The following VWA3B variants were observed in gnomAD, a reference collection of about 807,000 sequenced individuals.
VWA3B encodes von Willebrand factor A domain containing 3B.
A neutral mutation model predicts 158.3 loss-of-function variants in VWA3B; 138 were observed. The observed-to-expected ratio is 0.87, with a 90% CI of 0.76 to 1.00. The LOEUF is 1.00. Ranked by LOEUF, VWA3B falls within the 50% of genes least tolerant of loss-of-function variation. The pLI is 0.00. For synonymous variants in VWA3B, 596 were observed against 587.3 expected (o/e 1.01, Z -0.21); for missense variants, 1,555 against 1,565.1 (o/e 0.99, Z 0.11).
At chr2:98,260,427 A>G (rs1687410510) in intron 21 of VWA3B, among the ~76,000 whole-genome samples, 1 of 151,864 alleles carries the variant, frequency 6.6e-6, no homozygotes, top group Admixed American at 6.6e-5. Context: ...AAATAATGGT[A>G]CAACAATAAA....
chr2:98,314,315 C>CA (rs148671780), downstream of VWA3B, among the ~76,000 whole-genome samples: 5,937 of 152,278 alleles, frequency 0.039, 166 homozygotes, highest in Middle Eastern at 0.075. Flanking sequence ...CTAATAAGTG[C>CA]ATGGCTGTGA....
intron 7 of VWA3B, among the ~76,000 whole-genome samples, chr2:98,142,024 C>T (rs1676809145): frequency 6.6e-6 from 1 of 152,164 alleles, no homozygotes; most frequent in Non-Finnish European, 1.5e-5. Context: ...TTATTCCAGT[C>T]TCCTCTCCTC....
chr2:98,208,091 G>A (rs749395969), intron 12 of VWA3B, among the ~76,000 whole-genome samples: 1 of 151,892 alleles, frequency 6.6e-6, no homozygotes, highest in Non-Finnish European at 1.5e-5. Flanking sequence ...TTGGTGGATA[G>A]AGAATTTTAT....
chr2:98,264,311 T>C (rs553678911), intron 21 of VWA3B, among the ~76,000 whole-genome samples: 1 of 152,096 alleles, frequency 6.6e-6, no homozygotes, highest in Non-Finnish European at 1.5e-5. Context: ...AAAAGTAAAG[T>C]TAAATTGTTA....
chr2:98,188,168 G>C, intron 10 of VWA3B, 39 bp downstream of exon 10: 1 of 1,588,084 alleles, frequency 6.3e-7, no homozygotes, highest in Non-Finnish European at 8.6e-7. Flanking sequence ...TGGTCTCCTC[G>C]CTCTGGACAT....
chr2:98,252,491 T>A (rs1313523901), intron 20 of VWA3B, among the ~76,000 whole-genome samples: 1 of 152,062 alleles, frequency 6.6e-6, no homozygotes, highest in Non-Finnish European at 1.5e-5. Flanking sequence ...GGTCAGATGG[T>A]TCGCGGGGGT....
intron 8 of VWA3B, among the ~76,000 whole-genome samples, chr2:98,163,816 G>T (rs567910446): frequency 1.3e-5 from 2 of 152,142 alleles, no homozygotes; most frequent in African/African-American, 2.4e-5. Context: ...CGGTGGGAAC[G>T]AGGATGTGGA....
intron 8 of VWA3B, among the ~76,000 whole-genome samples, chr2:98,179,878 C>T (rs1680385718): frequency 9.5e-6 from 1 of 105,384 alleles, no homozygotes; most frequent in African/African-American, 3.9e-5. Flanking sequence ...TCTCCTTCCT[C>T]CCTCCCTCTC....
At chr2:98,311,690 A>C in intron 26 of VWA3B, 129 bp from the exon 27 acceptor site, 2 of 1,124,652 alleles carry the variant, frequency 1.8e-6, no homozygotes, top group Non-Finnish European at 2.5e-6. Flanking sequence ...ACAGCGCTCC[A>C]GAGACTCCTT....
chr2:98,116,408 C>T lies in VWA3B; in HGVS notation c.291+662C>T, dbSNP rs1194127987. On this transcript the variant is annotated intron_variant, in intron 3 of 27. Coordinates refer to ENST00000477737, the MANE Select transcript of VWA3B (RefSeq NM_144992.5). ...AGACCCTATCCTCGAATATGTCTTC[C>T]AGTTGTTTACTCTCCTTCTCTTTCA... 2.6e-5 allele frequency among the ~76,000 whole-genome samples: 4 copies of T among 151,824 alleles called. No homozygotes were observed. The East Asian group carries it at 5.8e-4, about 22-fold the overall frequency.
At chr2:98,267,773 T>C (rs1332073495) in intron 21 of VWA3B, among the ~76,000 whole-genome samples, 5 of 151,388 alleles carry the variant, frequency 3.3e-5, no homozygotes, top group Non-Finnish European at 7.4e-5. Flanking sequence ...AAAGGATCAA[T>C]AAAATTGATA....
chr2:98,309,206 A>T (rs1022488521), intron 26 of VWA3B, among the ~76,000 whole-genome samples: 2 of 151,966 alleles, frequency 1.3e-5, no homozygotes, highest in African/African-American at 4.8e-5. Context: ...AAGCCTTTTT[A>T]GAGGGAGTAT....
At chr2:98,173,229 G>A (rs1008224736) in intron 8 of VWA3B, among the ~76,000 whole-genome samples, 1 of 152,224 alleles carries the variant, frequency 6.6e-6, no homozygotes, top group African/African-American at 2.4e-5. Context: ...AACCAGAAGC[G>A]AATGACACAC....
chr2:98,219,597 A>G (rs1684313677), intron 14 of VWA3B, among the ~76,000 whole-genome samples: 1 of 152,246 alleles, frequency 6.6e-6, no homozygotes, highest in South Asian at 2.1e-4. Flanking sequence ...AACCTCAATG[A>G]ATCCCAAGCA....
At chr2:98,248,415 C>T (rs953727722) in intron 19 of VWA3B, among the ~76,000 whole-genome samples, 3 of 152,112 alleles carry the variant, frequency 2.0e-5, no homozygotes, top group Admixed American at 1.3e-4. Context: ...TGGCAGTTGC[C>T]TAAATCCATC....
chr2:98,261,078 G>T (rs1687450348), intron 21 of VWA3B, among the ~76,000 whole-genome samples: 1 of 151,590 alleles, frequency 6.6e-6, no homozygotes, highest in African/African-American at 2.4e-5. Flanking sequence ...TATTTGTTTT[G>T]CATGTCAAAA....
chr2:98,248,875 C>CT (rs767731593), intron 19 of VWA3B, among the ~76,000 whole-genome samples: 2 of 46,266 alleles, frequency 4.3e-5, no homozygotes, highest in African/African-American at 1.5e-4. Context: ...TTCTTTCTTT[C>CT]TTTCTTTCTC....
Position 98,270,893 on chromosome 2 carries a change from CT to C in VWA3B, c.3045+11del, listed in dbSNP as rs1688162830. 1 of 1,612,610 alleles carries C rather than the reference CT, an allele frequency of 6.2e-7. No individual in the cohort carries two copies. The highest frequency in any genetic ancestry group is 1.3e-5 in the African/African-American group (1 of 74,822). On this transcript the variant is annotated intron_variant, in intron 22 of 27. Coordinates refer to ENST00000477737, the MANE Select transcript of VWA3B (RefSeq NM_144992.5). ...CAAGGCCCCGGGAGAGGTGGGTGCC[CT>C]GGAGGTCTCTGTCTTTCCTCCCTCT...
rs1048114113 is a variant in VWA3B at position 98,202,919 on chromosome 2, A to T, written c.1737+8427A>T. On this transcript the variant is annotated intron_variant, in intron 12 of 27. Transcript: ENST00000477737. ...ATGATCTCGGCTCACTGCAACCTCC[A>T]CCTCCCAGGTTCAAGCGATTCTCCT... 4.6e-5 allele frequency among the ~76,000 whole-genome samples: 7 copies of T among 151,822 alleles called. No homozygotes were observed. The East Asian group carries it at 1.4e-3, about 29-fold the overall frequency.
Sources: gnomAD v4.1 joint callset for allele counts (sites outside exome capture counted in the v4.1 genomes callset) on GRCh38, gnomAD v4.1.1 for gene constraint, MANE v1.5 for transcripts, NCBI Gene and HGNC (gene_info 2026-07-23, HGNC 2026-07-21) for gene names.